Variants in DLGAP2 observed in about 807,000 individuals in gnomAD.
DLGAP2 encodes DLG associated protein 2, also known as disks large-associated protein 2.
In DLGAP2, 26 loss-of-function variants were observed where a neutral mutation model predicts 100.3. The ratio of observed to expected loss-of-function variants is 0.26; its 90% confidence interval spans 0.19 to 0.36. The LOEUF (loss-of-function observed/expected upper bound fraction) is 0.36. DLGAP2 is among the 10% of genes least tolerant of loss of function. The pLI is 1.00. For missense variants in DLGAP2, 1,858 were observed against 1,453.2 expected (o/e 1.28, Z -4.53); for synonymous variants, 886 against 630.1 (o/e 1.41, Z -6.08).
intron 1 of DLGAP2, among the ~76,000 whole-genome samples, chr8:826,262 T>A: frequency 6.6e-6 from 1 of 152,228 alleles, no homozygotes; most frequent in Non-Finnish European, 1.5e-5. Flanking sequence ...ATCTTGGCTG[T>A]TGTAAACAGA....
intron 3 of DLGAP2, among the ~76,000 whole-genome samples, chr8:1,467,508 C>T (rs1798660015): frequency 6.6e-6 from 1 of 152,084 alleles, no homozygotes; most frequent in South Asian, 2.1e-4. Context: ...CGGCTCCAGA[C>T]CCCCATTACC....
chr8:1,447,839 A>G (rs1047898981), intron 3 of DLGAP2, among the ~76,000 whole-genome samples: 4 of 152,170 alleles, frequency 2.6e-5, no homozygotes, highest in Non-Finnish European at 5.9e-5. Context: ...TGAGGAATTT[A>G]TCCATTTCTT....
chr8:1,595,707 G>A (rs963980047), intron 6 of DLGAP2, among the ~76,000 whole-genome samples: 9 of 149,346 alleles, frequency 6.0e-5, no homozygotes, highest in Admixed American at 3.3e-4. Context: ...AGGTCATTCC[G>A]GAAGCCCCCA....
chr8:1,353,882 C>G (rs1483764713), intron 3 of DLGAP2, among the ~76,000 whole-genome samples: 2 of 152,036 alleles, frequency 1.3e-5, no homozygotes, highest in Non-Finnish European at 2.9e-5. Context: ...GTTAATATCC[C>G]TAGAGGGGAA....
At chr8:1,355,050 C>T (rs1338450425) in intron 3 of DLGAP2, among the ~76,000 whole-genome samples, 5 of 151,584 alleles carry the variant, frequency 3.3e-5, no homozygotes, top group African/African-American at 4.8e-5. Context: ...TGGAAAGTCA[C>T]GGATGATGCT....
chr8:1,549,425 C>A lies in DLGAP2; in HGVS notation c.972C>A (p.Ala324=), dbSNP rs561878229. 1.2e-6 allele frequency: 2 copies of A among 1,613,440 alleles called. No individual in the cohort carries two copies. The highest frequency in any genetic ancestry group is 4.5e-5 in the East Asian group (2 of 44,858). ...ACCGGCACCACCTGGGCCCCGTGGC[C>A]CACTGCTACCCCGACGCGCTGCAGA... The part of the protein sequence containing the change: ...VLNRHHLGPV[A]HCYPDALQSP... The change falls in exon 5 of 15, where the codon GCC becomes GCA. Residue 324 remains alanine (A), a synonymous_variant. Transcript: ENST00000637795.
At chr8:1,381,815 G>C (rs867082297) in intron 3 of DLGAP2, among the ~76,000 whole-genome samples, 1 of 148,492 alleles carries the variant, frequency 6.7e-6, no homozygotes, top group Admixed American at 6.6e-5. Flanking sequence ...GTGTGTGTGT[G>C]TGTGTGTGTT....
At chr8:1,644,621 C>G (rs1797995895) in intron 8 of DLGAP2, among the ~76,000 whole-genome samples, 1 of 152,226 alleles carries the variant, frequency 6.6e-6, no homozygotes, top group African/African-American at 2.4e-5. Flanking sequence ...ACCAGGAGCT[C>G]CAGCCACATA....
intron 1 of DLGAP2, among the ~76,000 whole-genome samples, chr8:841,146 A>G (rs1796976604): frequency 6.6e-6 from 1 of 152,224 alleles, no homozygotes; most frequent in Non-Finnish European, 1.5e-5. Flanking sequence ...AGCAGTTCAT[A>G]TGGAAAAGGC....
intron 1 of DLGAP2, among the ~76,000 whole-genome samples, chr8:748,514 T>C (rs1364450488): frequency 1.3e-5 from 2 of 152,078 alleles, no homozygotes; most frequent in African/African-American, 4.8e-5. Flanking sequence ...AGCCCTTACC[T>C]GGCATTTGTT....
In DLGAP2 at chr8:1,198,928, C is replaced by T. The variant is rs150259754; in HGVS notation, c.74-59923C>T. ...TGGCAGCGGGCGTGTGTGCCCGGGACCTGGATACAGGCAGACTGTGCTTGG... is the reference window on the plus strand; with the variant it reads ...TGGCAGCGGGCGTGTGTGCCCGGGATCTGGATACAGGCAGACTGTGCTTGG... On this transcript the variant is annotated intron_variant, in intron 2 of 14. Transcript: ENST00000637795. Among the ~76,000 whole-genome samples the T allele has an allele frequency of 7.4e-3, 1,134 of 152,324 alleles. 7 individuals are homozygous for T. Among genetic ancestry groups the T allele is most frequent in the Middle Eastern group, 0.044 (13 of 294 alleles).
In DLGAP2 at chr8:1,331,644, C is replaced by T. The variant is rs150423068; in HGVS notation, c.106+72761C>T. Among the ~76,000 whole-genome samples, 1,237 of 152,306 alleles carry T rather than the reference C, an allele frequency of 8.1e-3. 64 individuals are homozygous for T. The highest frequency in any genetic ancestry group is 0.074 in the Admixed American group (1,128 of 15,290). ...TTTTGTGTTAATCTCAGTTTGGTGT[C>T]AACATCTTGGGTATACGACAAACGT... On this transcript the variant is annotated intron_variant, in intron 3 of 14. Coordinates refer to ENST00000637795, the MANE Select transcript of DLGAP2 (RefSeq NM_001346810.2).
intron 6 of DLGAP2, among the ~76,000 whole-genome samples, chr8:1,609,015 A>G (rs1485301076): frequency 2.1e-4 from 32 of 150,432 alleles, no homozygotes; most frequent in African/African-American, 6.3e-4. Flanking sequence ...GCAGGCCAAC[A>G]TTCAGATTCA....
intron 1 of DLGAP2, among the ~76,000 whole-genome samples, chr8:807,609 ATATGT>A (rs1796293190): frequency 4.3e-5 from 4 of 92,692 alleles, no homozygotes; most frequent in Admixed American, 3.4e-4. Context: ...CTTCTCATTC[ATATGT>A]TCTCTCTCCT....
intron 3 of DLGAP2, among the ~76,000 whole-genome samples, chr8:1,321,321 C>T (rs923563638): frequency 4.6e-5 from 7 of 150,648 alleles, no homozygotes; most frequent in African/African-American, 1.2e-4. Context: ...TCTGCGTGTG[C>T]GTGTGTGTCT....
chr8:1,260,087 G>C (rs1450584056), intron 3 of DLGAP2, among the ~76,000 whole-genome samples: 1 of 152,138 alleles, frequency 6.6e-6, no homozygotes, highest in Non-Finnish European at 1.5e-5. Flanking sequence ...GGTGGAGCCT[G>C]GGATGCTGGT....
intron 3 of DLGAP2, among the ~76,000 whole-genome samples, chr8:1,292,534 T>C (rs1376049306): frequency 6.6e-6 from 1 of 152,256 alleles, no homozygotes; most frequent in Non-Finnish European, 1.5e-5. Context: ...GTTCATTTTA[T>C]ACCTTTGTTA....
chr8:1,531,575 C>A (rs1282574184), intron 4 of DLGAP2, among the ~76,000 whole-genome samples: 1 of 152,142 alleles, frequency 6.6e-6, no homozygotes, highest in Non-Finnish European at 1.5e-5. Context: ...TGTTATTGCA[C>A]TCCAGCCTGG....
At chr8:1,085,713 C>G (rs537776791) in intron 2 of DLGAP2, among the ~76,000 whole-genome samples, 2 of 152,140 alleles carry the variant, frequency 1.3e-5, no homozygotes, top group Non-Finnish European at 2.9e-5. Flanking sequence ...ATTCCTCTAG[C>G]TTTGCTACTT....
Sources: gnomAD v4.1 joint callset for allele counts (sites outside exome capture counted in the v4.1 genomes callset) on GRCh38, gnomAD v4.1.1 for gene constraint, MANE v1.5 for transcripts, NCBI Gene and HGNC (gene_info 2026-07-23, HGNC 2026-07-21) for gene names.